CDH13: variants seen among roughly 807,000 people sequenced by gnomAD.
The protein encoded by CDH13 is cadherin-13.
Under a neutral mutation model 63.8 loss-of-function variants are expected in CDH13, and 24 were observed. The ratio of observed to expected loss-of-function variants is 0.38; its 90% CI spans 0.27 to 0.53. CDH13 has a LOEUF of 0.53. Among genes scored for constraint, CDH13 ranks in the 20% least tolerant of loss-of-function variants. CDH13 has a pLI of 0.85. For missense variants in CDH13, 1,049 were observed against 903.1 expected (o/e 1.16, Z -2.07); for synonymous variants, 503 against 355.3 (o/e 1.42, Z -4.67).
intron 1 of CDH13, among the ~76,000 whole-genome samples, chr16:82,830,590 C>A (rs182383014): frequency 1.3e-5 from 2 of 152,186 alleles, no homozygotes; most frequent in African/African-American, 4.8e-5. Flanking sequence ...TCTCTTCTTT[C>A]CTCACACTCA....
In CDH13 at chr16:83,026,501, C is replaced by A. The variant is rs931901969; in HGVS notation, c.158-5509C>A. ...TGAAATAGGTTCGAGGGTGGGGGGA[C>A]AAAAATTGCACTTACAAATGTAAAG... is the stretch of plus-strand genomic sequence containing the variant. On this transcript the variant is annotated intron_variant, in intron 2 of 13. Transcript: ENST00000567109. Among the ~76,000 whole-genome samples, 3 of 151,742 alleles carry A rather than the reference C, an allele frequency of 2.0e-5. No individual in the cohort carries two copies. The East Asian group carries it at 5.9e-4, about 30-fold the overall frequency.
At chr16:83,579,830 T>C (rs1462069952) in intron 7 of CDH13, among the ~76,000 whole-genome samples, 1 of 151,710 alleles carries the variant, frequency 6.6e-6, no homozygotes, top group Non-Finnish European at 1.5e-5. Flanking sequence ...TAACACAGTG[T>C]GGGGGCAGAA....
intron 1 of CDH13, among the ~76,000 whole-genome samples, chr16:82,789,614 A>C (rs2036189196): frequency 6.6e-6 from 1 of 152,246 alleles, no homozygotes; most frequent in Admixed American, 6.5e-5. Flanking sequence ...TCCATTGGGC[A>C]GGACACACCT....
chr16:83,744,852 C>A (rs1912418834), intron 10 of CDH13, among the ~76,000 whole-genome samples: 1 of 152,168 alleles, frequency 6.6e-6, no homozygotes, highest in South Asian at 2.1e-4. Flanking sequence ...GAACCCAGGT[C>A]CTTTCCTCTC....
At chr16:82,860,397 G>T (rs1032780126) in intron 2 of CDH13, among the ~76,000 whole-genome samples, 3 of 130,894 alleles carry the variant, frequency 2.3e-5, no homozygotes, top group South Asian at 5.7e-4. Flanking sequence ...GTGGGGGGGG[G>T]GGCGGCGGTG....
chr16:83,701,889 G>C (rs1329167631), intron 10 of CDH13, among the ~76,000 whole-genome samples: 1 of 152,214 alleles, frequency 6.6e-6, no homozygotes, highest in Non-Finnish European at 1.5e-5. Context: ...TGGCAGCAGA[G>C]TAACACTGAG....
chr16:83,279,064 C>A (rs1032789576), intron 5 of CDH13, among the ~76,000 whole-genome samples: 3 of 149,710 alleles, frequency 2.0e-5, no homozygotes, highest in Admixed American at 6.6e-5. Context: ...GAATCAACTA[C>A]TTTTGTGCAG....
chr16:83,359,416 A>G (rs2091119240), intron 6 of CDH13, among the ~76,000 whole-genome samples: 1 of 152,226 alleles, frequency 6.6e-6, no homozygotes, highest in African/African-American at 2.4e-5. Context: ...ACTGGCAGCC[A>G]GCAATGGCTT....
chr16:83,670,743 CTA>C (rs770610624), intron 8 of CDH13, 45 bp from the exon 9 acceptor site: 10 of 1,547,508 alleles, frequency 6.5e-6, no homozygotes, highest in African/African-American at 5.4e-5. Flanking sequence ...TAGTAAATGA[CTA>C]TGTGTTTTCA....
At chr16:83,344,009 A>G (rs1222657126) in intron 5 of CDH13, among the ~76,000 whole-genome samples, 3 of 152,228 alleles carry the variant, frequency 2.0e-5, no homozygotes, top group African/African-American at 7.2e-5. Flanking sequence ...GCTCAAGGTC[A>G]CACAGATAGG....
chr16:83,538,070 T>C (rs2075228277), intron 7 of CDH13, among the ~76,000 whole-genome samples: 2 of 152,298 alleles, frequency 1.3e-5, no homozygotes, highest in South Asian at 4.1e-4. Flanking sequence ...ACAAGTTGAA[T>C]ATGCGCTATG....
intron 1 of CDH13, among the ~76,000 whole-genome samples, chr16:82,722,721 T>G (rs1462933353): frequency 1.3e-5 from 2 of 152,194 alleles, no homozygotes; most frequent in Non-Finnish European, 2.9e-5. Flanking sequence ...ATGCAAGCTC[T>G]GCCTAGTTCT....
intron 10 of CDH13, among the ~76,000 whole-genome samples, chr16:83,700,283 C>T (rs1906024666): frequency 6.6e-6 from 1 of 152,236 alleles, no homozygotes; most frequent in African/African-American, 2.4e-5. Context: ...CAAAGACCTT[C>T]TGCAGAAAGA....
intron 1 of CDH13, among the ~76,000 whole-genome samples, chr16:82,736,847 C>T (rs1488779697): frequency 6.6e-6 from 1 of 152,176 alleles, no homozygotes; most frequent in Non-Finnish European, 1.5e-5. Context: ...CACACCTGGT[C>T]AGATGGCCTC....
At chr16:83,356,673 A>G (rs1249948692) in intron 6 of CDH13, among the ~76,000 whole-genome samples, 1 of 152,200 alleles carries the variant, frequency 6.6e-6, no homozygotes, top group African/African-American at 2.4e-5. Flanking sequence ...TAATTTATGT[A>G]TAGAATCACC....
intron 7 of CDH13, among the ~76,000 whole-genome samples, chr16:83,503,384 G>A (rs1167667261): frequency 1.3e-5 from 2 of 152,162 alleles, no homozygotes; most frequent in Non-Finnish European, 2.9e-5. Flanking sequence ...CGGATGGGGT[G>A]GGATAACAAC....
intron 6 of CDH13, among the ~76,000 whole-genome samples, chr16:83,375,369 G>A (rs368935154): frequency 1.3e-5 from 2 of 152,282 alleles, no homozygotes; most frequent in South Asian, 4.1e-4. Flanking sequence ...CTTTAAGGAG[G>A]GTCTGAAGTG....
intron 1 of CDH13, chr16:82,723,124 C>A (rs1055555952): frequency 6.6e-6 from 1 of 152,252 alleles, no homozygotes; most frequent in East Asian, 1.9e-4. Flanking sequence ...ACCTGGGGAA[C>A]AGTCTGGGGA....
intron 10 of CDH13, among the ~76,000 whole-genome samples, chr16:83,699,086 G>A (rs1258569156): frequency 1.3e-5 from 2 of 152,214 alleles, no homozygotes; most frequent in Non-Finnish European, 2.9e-5. Context: ...AACATCTTGT[G>A]TAGTGCCTGC....
Sources: allele counts gnomAD v4.1 joint callset (sites outside exome capture counted in the v4.1 genomes callset), GRCh38; gene constraint gnomAD v4.1.1; transcripts MANE v1.5; gene names NCBI Gene and HGNC (gene_info 2026-07-23, HGNC 2026-07-21).